The following ABCA13 variants were observed in gnomAD, a reference collection of about 807,000 sequenced individuals.
The protein encoded by ABCA13 is ATP binding cassette subfamily A member 13, also known as ATP-binding cassette sub-family A member 13.
In ABCA13, 476 loss-of-function variants were observed where a neutral mutation model predicts 478.7. The observed-to-expected ratio is 0.99, with a 90% CI of 0.92 to 1.07. The LOEUF is 1.07. Among genes scored for constraint, ABCA13 ranks in the 50% least tolerant of loss-of-function variants. The pLI, the probability that ABCA13 is intolerant of heterozygous loss-of-function variation, is 0.00. For synonymous variants in ABCA13, 2,252 were observed against 2,158.9 expected, an observed-to-expected ratio of 1.04 and a Z score of -1.20; for missense variants, 6,060 against 5,910.6, an observed-to-expected ratio of 1.03 and a Z score of -0.83.
In ABCA13 at chr7:48,272,399, A is replaced by G. The variant is rs555131284; in HGVS notation, c.2733A>G (p.Glu911=). Residue 911 remains glutamate (E), a synonymous_variant, in exon 17 of 62, where the codon GAA becomes GAG. Transcript: ENST00000435803. ...ATGAATTTGGATTTTTGGAGCAGGA[A>G]CAGATCTCAGAAGCTCTGAACACAG... ...SLHEFGFLEQ[E]QISEALNTVY... 2 of 1,613,816 alleles carry G rather than the reference A, an allele frequency of 1.2e-6. No individual in the cohort carries two copies. Among genetic ancestry groups the G allele is most frequent in the African/African-American group, 2.7e-5 (2 of 75,030 alleles).
intron 19 of ABCA13, among the ~76,000 whole-genome samples, chr7:48,281,742 C>T (rs892996789): frequency 2.0e-5 from 3 of 152,182 alleles, no homozygotes; most frequent in Non-Finnish European, 4.4e-5. Context: ...AAACTACAGC[C>T]GTACTCTGTG....
At chr7:48,328,165 G>A (rs1041787431) in intron 27 of ABCA13, among the ~76,000 whole-genome samples, 6 of 152,194 alleles carry the variant, frequency 3.9e-5, no homozygotes, top group African/African-American at 1.4e-4. Context: ...ACATAAACTT[G>A]TACGGGCTGG....
chr7:48,602,180 T>A (rs1334528896), intron 58 of ABCA13, among the ~76,000 whole-genome samples: 1 of 152,234 alleles, frequency 6.6e-6, no homozygotes, highest in Non-Finnish European at 1.5e-5. Context: ...GGTTGCCTGT[T>A]CACTCTGATG....
At chr7:48,485,866 A>G (rs1010896671) in intron 47 of ABCA13, among the ~76,000 whole-genome samples, 1 of 152,136 alleles carries the variant, frequency 6.6e-6, no homozygotes, top group East Asian at 1.9e-4. Flanking sequence ...CCAGCTCATC[A>G]TCTGCAATGA....
chr7:48,215,242 A>G (rs1786269631), intron 3 of ABCA13, among the ~76,000 whole-genome samples: 1 of 152,132 alleles, frequency 6.6e-6, no homozygotes, highest in Middle Eastern at 3.2e-3. Context: ...TTTCAATATC[A>G]TTGTGTCTCA....
chr7:48,324,775 G>A (rs1804059862), intron 27 of ABCA13, among the ~76,000 whole-genome samples: 2 of 152,288 alleles, frequency 1.3e-5, no homozygotes, highest in East Asian at 1.9e-4. Flanking sequence ...ATGCTCACAT[G>A]CATGGCGTTT....
chr7:48,201,010 G>A (rs937143098), intron 3 of ABCA13, among the ~76,000 whole-genome samples: 1 of 152,146 alleles, frequency 6.6e-6, no homozygotes, highest in Non-Finnish European at 1.5e-5. Context: ...GTTCAAAGGC[G>A]GGTCCAGGGG....
rs918991784 is a variant in ABCA13 at position 48,577,342 on chromosome 7, A to G, written c.14355-2882A>G. ...AAATAAATAAAATTGATAAACTCCTAGTGAGATTATCCATGAAAAAAAGAA... is the reference window on the plus strand; with the variant it reads ...AAATAAATAAAATTGATAAACTCCTGGTGAGATTATCCATGAAAAAAAGAA... On this transcript the variant is annotated intron_variant, in intron 55 of 61. Coordinates refer to ENST00000435803, the MANE Select transcript of ABCA13 (RefSeq NM_152701.5). Among the ~76,000 whole-genome samples, 8 of 152,270 alleles carry G rather than the reference A, an allele frequency of 5.3e-5. No individual in the cohort carries two copies. In the South Asian group the frequency reaches 1.7e-3, roughly 32 times the overall value.
At chr7:48,506,734 A>G (rs1035186625) in intron 49 of ABCA13, among the ~76,000 whole-genome samples, 1 of 152,202 alleles carries the variant, frequency 6.6e-6, no homozygotes, top group East Asian at 1.9e-4. Flanking sequence ...ATTCATGTAC[A>G]TAAACATAGT....
Position 48,275,663 on chromosome 7 carries a change from C to T in ABCA13, c.5997C>T (p.Ser1999=). 6.3e-7 allele frequency: 1 copy of T among 1,599,242 alleles called. No individual in the cohort carries two copies. The highest frequency in any genetic ancestry group is 2.2e-5 in the East Asian group (1 of 44,602). ...AGACATCTGTTCAAAATATTATTTC[C>T]TCAAATTTGGAAAGGACAGTACAAT... ...DTETSVQNII[S]SNLERTVQLI... is the part of the protein sequence containing the mutation. The change falls in exon 17 of 62, where the codon TCC becomes TCT. Residue 1999 remains serine, a synonymous_variant. Coordinates refer to ENST00000435803, the MANE Select transcript of ABCA13 (RefSeq NM_152701.5).
At chr7:48,431,720 G>A (rs2129144394) in intron 42 of ABCA13, among the ~76,000 whole-genome samples, 1 of 152,296 alleles carries the variant, frequency 6.6e-6, no homozygotes, top group South Asian at 2.1e-4. Context: ...TCTTCCAGAT[G>A]TAAGCCTTAT....
Position 48,278,849 on chromosome 7 carries a change from T to A in ABCA13, c.7655T>A (p.Val2552Glu). The A allele has an allele frequency of 6.2e-7, 1 of 1,613,588 alleles. No homozygotes were observed. The highest frequency in any genetic ancestry group is 1.1e-5 in the South Asian group (1 of 91,078). Residue 2552 changes from valine to glutamate, a missense_variant, in exon 18 of 62, where the codon GTG (valine) becomes GAG (glutamate). Physicochemically the swap from Val to Glu is moderately radical, Grantham distance 121 (BLOSUM62 -2). Transcript: ENST00000435803. ...THFISNTKDS[V>E]KFFDTLYSIM... ...TTTATCTCCAATACCAAGGACAGTG[T>A]GAAATTCTTTGACACTCTGTATTCC...
chr7:48,576,422 CAG>C (rs980968264), intron 55 of ABCA13, among the ~76,000 whole-genome samples: 3 of 152,110 alleles, frequency 2.0e-5, no homozygotes, highest in African/African-American at 4.8e-5. Flanking sequence ...CATGTGAAGA[CAG>C]GGGAAAAATC....
chr7:48,589,988 C>T (rs1789556928), intron 57 of ABCA13, among the ~76,000 whole-genome samples: 1 of 152,094 alleles, frequency 6.6e-6, no homozygotes, highest in Non-Finnish European at 1.5e-5. Flanking sequence ...GACAAAACAT[C>T]CAAACTATAG....
intron 3 of ABCA13, among the ~76,000 whole-genome samples, chr7:48,207,387 T>C (rs980310910): frequency 6.6e-6 from 1 of 152,140 alleles, no homozygotes; most frequent in African/African-American, 2.4e-5. Context: ...CTGTTCTCCA[T>C]AGTGGCTGTA....
At chr7:48,366,585 T>A (rs1392813825) in intron 31 of ABCA13, among the ~76,000 whole-genome samples, 1 of 152,056 alleles carries the variant, frequency 6.6e-6, no homozygotes, top group Non-Finnish European at 1.5e-5. Flanking sequence ...GCTGAGGGTG[T>A]CATGCCACTT....
chr7:48,239,437 A>C (rs752137903), intron 9 of ABCA13, 32 bp downstream of exon 9: 2 of 1,558,064 alleles, frequency 1.3e-6, no homozygotes, highest in South Asian at 2.5e-5. Context: ...TTCTGTTCAA[A>C]GGTGTGCCAG....
intron 43 of ABCA13, among the ~76,000 whole-genome samples, chr7:48,463,473 GAGGTCTCTGGAGATTTGC>G (rs1350544288): frequency 1.3e-5 from 2 of 152,134 alleles, no homozygotes; most frequent in African/African-American, 4.8e-5. Context: ...AGGGGAGGCT[GAGGTCTCTGGAGATTTGC>G]AGGTCTCTGA....
At chr7:48,641,007 G>A (rs188230348) in intron 59 of ABCA13, among the ~76,000 whole-genome samples, 318 of 151,854 alleles carry the variant, frequency 2.1e-3, no homozygotes, top group South Asian at 4.8e-3. Flanking sequence ...TTCTTTTTTC[G>A]TAATTCATGT....
Sources: gnomAD v4.1 joint callset for allele counts (sites outside exome capture counted in the v4.1 genomes callset) on GRCh38, gnomAD v4.1.1 for gene constraint, MANE v1.5 for transcripts, NCBI Gene and HGNC (gene_info 2026-07-23, HGNC 2026-07-21) for gene names.